CSPP1: variants seen among roughly 807,000 people sequenced by gnomAD.
The protein encoded by CSPP1 is centrosome and spindle pole associated protein 1.
In CSPP1, 126 loss-of-function variants were observed where a neutral mutation model predicts 164.4. The observed-to-expected ratio is 0.77, with a 90% confidence interval of 0.66 to 0.89. CSPP1 has a LOEUF of 0.89. Among genes scored for constraint, CSPP1 ranks in the 40% least tolerant of loss-of-function variants. The probability of loss-of-function intolerance (pLI) is 0.00; values close to 1 mark genes in which losing one functional copy is unlikely to be tolerated. For synonymous variants in CSPP1, 472 were observed against 476.7 expected, an observed-to-expected ratio of 0.99 and a Z score of 0.13; for missense variants, 1,395 against 1,449.8, an observed-to-expected ratio of 0.96 and a Z score of 0.61.
intron 3 of CSPP1, chr8:67,083,548 A>AAAAAAAAAAATATATATAT (rs1332248754): frequency 3.3e-5 from 3 of 91,500 alleles, no homozygotes; most frequent in African/African-American, 1.3e-4. Context: ...AAAAAAAAAA[A>AAAAAAAAAAATATATATAT]ATATATATAT....
At chr8:67,178,231 A>AGT (rs2129569893) in intron 27 of CSPP1, among the ~76,000 whole-genome samples, 1 of 152,296 alleles carries the variant, frequency 6.6e-6, no homozygotes, top group East Asian at 1.9e-4. Flanking sequence ...CAGTAGTGGG[A>AGT]GTAGGAGTCT....
chr8:67,086,851 G>C, intron 4 of CSPP1: 2 of 1,356,400 alleles, frequency 1.5e-6, no homozygotes, highest in Non-Finnish European at 2.0e-6. Flanking sequence ...AGAAAGGTAG[G>C]GTTGTCTGCA....
chr8:67,082,206 C>G (rs951647892), intron 3 of CSPP1, among the ~76,000 whole-genome samples: 2 of 152,198 alleles, frequency 1.3e-5, no homozygotes, highest in Admixed American at 1.3e-4. Context: ...TGCCACCACA[C>G]CCAGCTACTT....
chr8:67,095,254 T>C (rs757313799), intron 6 of CSPP1, 39 bp from the exon 7 acceptor site: 11 of 1,332,894 alleles, frequency 8.3e-6, no homozygotes, highest in Middle Eastern at 1.9e-4. Flanking sequence ...GATAGTTTCT[T>C]GTCAAGTTTT....
chr8:67,109,424 A>G (rs1816353769), intron 9 of CSPP1, among the ~76,000 whole-genome samples: 1 of 152,164 alleles, frequency 6.6e-6, no homozygotes, highest in Non-Finnish European at 1.5e-5. Flanking sequence ...AGGTCCACCT[A>G]AGATAATCTC....
intron 28 of CSPP1, among the ~76,000 whole-genome samples, chr8:67,180,896 C>G (rs1035958342): frequency 6.6e-6 from 1 of 151,900 alleles, no homozygotes; most frequent in East Asian, 1.9e-4. Flanking sequence ...ATTATGTACT[C>G]TGATCATGAG....
chr8:67,154,263 A>G, intron 19 of CSPP1, 127 bp downstream of exon 19: 1 of 583,728 alleles, frequency 1.7e-6, no homozygotes, highest in Non-Finnish European at 3.0e-6. Context: ...TCTAATTTAT[A>G]TCAGATCAGA....
chr8:67,142,589 A>G (rs187264089), intron 17 of CSPP1, among the ~76,000 whole-genome samples: 35 of 152,328 alleles, frequency 2.3e-4, no homozygotes, highest in Admixed American at 2.3e-3. Flanking sequence ...TGGGCTGTTT[A>G]CAGTTCAAGG....
chr8:67,185,752 TGA>T (rs1834396981), intron 28 of CSPP1, among the ~76,000 whole-genome samples: 1 of 151,742 alleles, frequency 6.6e-6, no homozygotes, highest in Non-Finnish European at 1.5e-5. Context: ...ATGATGATGA[TGA>T]GTTTGATGAT....
intron 27 of CSPP1, among the ~76,000 whole-genome samples, chr8:67,178,623 C>T (rs1275712386): frequency 3.3e-5 from 5 of 152,120 alleles, no homozygotes; most frequent in African/African-American, 1.2e-4. Flanking sequence ...GGCATGGGGG[C>T]TCACTGGGTA....
chr8:67,178,596 T>C (rs1161824841), intron 27 of CSPP1, among the ~76,000 whole-genome samples: 1 of 152,146 alleles, frequency 6.6e-6, no homozygotes, highest in Non-Finnish European at 1.5e-5. Flanking sequence ...GGAGGGTTTA[T>C]AGTTGGAAAT....
rs1007725269 is a variant in CSPP1 at position 67,139,933 on chromosome 8, T to C, written c.1975+2330T>C. Among the ~76,000 whole-genome samples, 3 of 152,190 alleles carry C rather than the reference T, an allele frequency of 2.0e-5. No homozygotes were observed. The East Asian group carries it at 5.8e-4, about 29-fold the overall frequency. The stretch of plus-strand genomic sequence containing the variant: ...GGGTGCAGCACACCAACATGGCACA[T>C]GTATACATATGCAACAAACCTGCAC... On this transcript the variant is annotated intron_variant, in intron 17 of 30. Transcript: ENST00000678616.
intron 1 of CSPP1, among the ~76,000 whole-genome samples, chr8:67,073,241 A>G (rs954187660): frequency 6.6e-6 from 1 of 152,208 alleles, no homozygotes; most frequent in African/African-American, 2.4e-5. Context: ...ATAAAAAATA[A>G]CATCACTAAC....
intron 1 of CSPP1, among the ~76,000 whole-genome samples, chr8:67,069,928 G>A (rs978918522): frequency 6.6e-6 from 1 of 151,886 alleles, no homozygotes; most frequent in Non-Finnish European, 1.5e-5. Context: ...CCAAAGTGCT[G>A]GGATTACAGG....
In CSPP1 at chr8:67,158,537, G is replaced by T; in HGVS notation, c.2332G>T (p.Ala778Ser). ...AGAAAGACGGCTTGCAGAACAGAGGGCACGAATTCAGCAGGAGTATGAAGA... is the reference window on the plus strand; with the variant it reads ...AGAAAGACGGCTTGCAGAACAGAGGTCACGAATTCAGCAGGAGTATGAAGA... ...KEERRLAEQR[A>S]RIQQEYEEEQ... Residue 778 changes from alanine to serine, a missense_variant, in exon 20 of 31, where the codon GCA becomes TCA. Ala to Ser is a moderately conservative substitution (Grantham distance 99). Coordinates refer to ENST00000678616, the MANE Select transcript of CSPP1 (RefSeq NM_001382391.1). 1.9e-6 allele frequency: 3 copies of T among 1,612,180 alleles called. No homozygotes were observed. The highest frequency in any genetic ancestry group is 2.5e-6 in the Non-Finnish European group (3 of 1,178,754).
In CSPP1 at chr8:67,074,340, A is replaced by G. The variant is rs199831541; in HGVS notation, c.88A>G (p.Met30Val). 5.7e-5 allele frequency: 90 copies of G among 1,587,280 alleles called. 1 individual carries two copies. The highest frequency in any genetic ancestry group is 1.7e-4 in the Middle Eastern group (1 of 5,972). ...AGAGTTGGAAAGTGATCCACCTTAC[A>G]TGGAAATGAAGGTAAATTTAATAAT... Reference protein sequence around the residue: ...KAELESDPPYMEMKGKLSAKL... With the variant: ...KAELESDPPYVEMKGKLSAKL... Residue 30 changes from methionine to valine, a missense_variant, in exon 2 of 31, where the codon ATG becomes GTG. Met to Val is a conservative substitution (Grantham distance 21). Coordinates refer to ENST00000678616, the MANE Select transcript of CSPP1 (RefSeq NM_001382391.1).
chr8:67,096,166 A>G (rs1812712323), intron 7 of CSPP1, among the ~76,000 whole-genome samples: 1 of 152,226 alleles, frequency 6.6e-6, no homozygotes, highest in Non-Finnish European at 1.5e-5. Context: ...AGAAACCTTG[A>G]GGCAAGAATT....
At chr8:67,187,954 A>T (rs117244568) in intron 28 of CSPP1, among the ~76,000 whole-genome samples, 4,182 of 152,320 alleles carry the variant, frequency 0.027, 160 homozygotes, top group Admixed American at 0.1. Flanking sequence ...GAAAATCTAG[A>T]TGACCTTGGG....
chr8:67,068,118 G>A (rs577055205), intron 1 of CSPP1, among the ~76,000 whole-genome samples: 16 of 152,098 alleles, frequency 1.1e-4, no homozygotes, highest in Non-Finnish European at 2.1e-4. Context: ...CACAGTGCTG[G>A]GATTACAGGC....
Sources: gnomAD v4.1 joint callset for allele counts (sites outside exome capture counted in the v4.1 genomes callset) on GRCh38, gnomAD v4.1.1 for gene constraint, MANE v1.5 for transcripts, NCBI Gene and HGNC (gene_info 2026-07-23, HGNC 2026-07-21) for gene names.